TRMO: variants seen among roughly 807,000 people sequenced by gnomAD.
TRMO encodes tRNA (adenine(37)-N6)-methyltransferase.
Under a neutral mutation model 37.2 loss-of-function variants are expected in TRMO, and 30 were observed. That is an observed-to-expected ratio of 0.81 (90% CI 0.60 to 1.09). The LOEUF is 1.09. TRMO is among the 50% of genes least tolerant of loss of function. TRMO has a pLI of 0.00. For synonymous variants in TRMO, 239 were observed against 199.4 expected (o/e 1.20, Z -1.67); for missense variants, 552 against 549.5 (o/e 1.00, Z -0.05).
intron 1 of TRMO, among the ~76,000 whole-genome samples, chr9:97,919,799 A>G (rs1587843892): frequency 6.6e-6 from 1 of 152,300 alleles, no homozygotes; most frequent in East Asian, 1.9e-4. Flanking sequence ...AATTAGATTT[A>G]CTTCTATCCT....
chr9:97,909,288 A>G (rs1587832690), intron 4 of TRMO, among the ~76,000 whole-genome samples: 1 of 152,298 alleles, frequency 6.6e-6, no homozygotes, highest in East Asian at 1.9e-4. Flanking sequence ...CGCTGTATCC[A>G]CATCTTAACA....
chr9:97,910,405 A>G lies in TRMO; in HGVS notation c.621T>C (p.Asp207=), dbSNP rs1406699035. The part of the protein sequence containing the change: ...SCDQRQLSGC[D]EPQPHHSTKR... ...TAGTGCTATGGTGGGGTTGTGGCTC[A>G]TCACACCCTGAGAGCTGTCGCTGGT... The change falls in exon 4 of 5, where the codon GAT becomes GAC. Residue 207 remains aspartate, a synonymous_variant. Coordinates refer to ENST00000375119, the MANE Select transcript of TRMO (RefSeq NM_016481.5). The G allele has an allele frequency of 1.9e-6, 3 of 1,614,204 alleles. No homozygotes were observed. The highest frequency in any genetic ancestry group is 2.5e-6 in the Non-Finnish European group (3 of 1,180,030).
downstream of TRMO, among the ~76,000 whole-genome samples, chr9:97,903,856 G>C (rs1825741519): frequency 6.6e-6 from 1 of 152,186 alleles, no homozygotes; most frequent in Non-Finnish European, 1.5e-5. Flanking sequence ...CACTTTGGGA[G>C]GCTGAGGTGG....
At chr9:97,908,361 G>A (rs1332557927) in intron 4 of TRMO, among the ~76,000 whole-genome samples, 12 of 146,880 alleles carry the variant, frequency 8.2e-5, no homozygotes, top group African/African-American at 1.3e-4. Context: ...GCAGTGAGCC[G>A]AGATCGAGCC....
In TRMO at chr9:97,916,163, C is replaced by G. The variant is rs1426979131; in HGVS notation, c.251+1G>C. On this transcript the variant is annotated splice_donor_variant, in intron 2 of 4. Transcript: ENST00000375119. LOFTEE classifies it high-confidence loss of function. ...CTACATCTAACTATAAAGCAACTTA[C>G]CAAACATGAGAAAACTGTTCTAGGC... 6.3e-7 allele frequency: 1 copy of G among 1,581,752 alleles called. No individual in the cohort carries two copies. Among genetic ancestry groups the G allele is most frequent in the South Asian group, 1.2e-5 (1 of 85,600 alleles).
At chr9:97,916,769 G>C (rs1172099449) in intron 1 of TRMO, among the ~76,000 whole-genome samples, 4 of 143,286 alleles carry the variant, frequency 2.8e-5, no homozygotes, top group Admixed American at 7.4e-5. Flanking sequence ...GCAGTGGCCC[G>C]ATCTCGGCTC....
chr9:97,899,690 A>G (rs10818241), downstream of TRMO, among the ~76,000 whole-genome samples: 110,229 of 152,014 alleles, frequency 0.73, 41,357 homozygotes, highest in East Asian at 0.92. Context: ...GTTCGGTACC[A>G]GCCTGGGCAA....
the TRMO span, among the ~76,000 whole-genome samples, chr9:97,897,427 T>C: frequency 6.6e-6 from 1 of 152,198 alleles, no homozygotes; most frequent in Non-Finnish European, 1.5e-5. Context: ...TTTTGTTTTG[T>C]TTTGTTTTGT....
downstream of TRMO, among the ~76,000 whole-genome samples, chr9:97,901,000 C>T (rs1214157473): frequency 1.3e-5 from 2 of 152,146 alleles, no homozygotes; most frequent in African/African-American, 4.8e-5. Context: ...TTAATAAATG[C>T]CACTCATCTT....
At chr9:97,900,165 G>C (rs1376190136), downstream of TRMO, among the ~76,000 whole-genome samples, 3 of 152,172 alleles carry the variant, frequency 2.0e-5, no homozygotes, top group African/African-American at 7.2e-5. Context: ...AGAACAGAGT[G>C]GTAGAAAAAG....
chr9:97,898,038 T>G, the TRMO span, among the ~76,000 whole-genome samples: 1 of 152,138 alleles, frequency 6.6e-6, no homozygotes, highest in Non-Finnish European at 1.5e-5. Flanking sequence ...TTCCTACACT[T>G]TTTGTCAACA....
At chr9:97,901,068 A>C (rs994149846), downstream of TRMO, among the ~76,000 whole-genome samples, 1 of 152,320 alleles carries the variant, frequency 6.6e-6, no homozygotes, top group Admixed American at 6.5e-5. Flanking sequence ...TGTACAAGTT[A>C]CTGTTCTTTA....
intron 4 of TRMO, among the ~76,000 whole-genome samples, chr9:97,908,069 C>A (rs1265510299): frequency 6.6e-6 from 1 of 152,082 alleles, no homozygotes; most frequent in African/African-American, 2.4e-5. Flanking sequence ...CCCTGACCCC[C>A]AAGAGTTCAA....
downstream of TRMO, chr9:97,900,899 TG>T (rs1564101139): frequency 6.2e-6 from 1 of 160,980 alleles, no homozygotes; most frequent in Middle Eastern, 3.1e-3. Flanking sequence ...TGTGTGCTCA[TG>T]GGCTTAATGA....
intron 4 of TRMO, among the ~76,000 whole-genome samples, chr9:97,908,312 G>A (rs568029501): frequency 5.7e-4 from 86 of 151,798 alleles, no homozygotes; most frequent in Middle Eastern, 6.8e-3. Context: ...CTCGGGAGGC[G>A]GAGGCAGGTG....
In TRMO at chr9:97,922,423, T is replaced by A; in HGVS notation, c.71A>T (p.Glu24Val). Residue 24 changes from glutamate to valine, a missense_variant, in exon 1 of 5, where the codon GAG becomes GTG. Transcript: ENST00000375119. The part of the protein sequence containing the change: ...TPCGCVKPAL[E>V]TGNLLTEPVG... Reference sequence around the variant, plus strand: ...CCGCCGGTGTTGGAAGTTACCTGTCTCCAGAGCCGGCTTAACGCAGCCGCA... The same window carrying A: ...CCGCCGGTGTTGGAAGTTACCTGTCACCAGAGCCGGCTTAACGCAGCCGCA... 6.3e-7 allele frequency: 1 copy of A among 1,580,756 alleles called. No homozygotes were observed. Among genetic ancestry groups the A allele is most frequent in the Non-Finnish European group, 8.6e-7 (1 of 1,162,858 alleles).
chr9:97,922,291 T>C (rs1473864513), intron 1 of TRMO, 127 bp downstream of exon 1: 3 of 679,676 alleles, frequency 4.4e-6, no homozygotes, highest in Non-Finnish European at 7.6e-6. Flanking sequence ...ACCCGTGCCT[T>C]CGCCGTAGGT....
chr9:97,903,338 C>A, downstream of TRMO, among the ~76,000 whole-genome samples: 1 of 152,026 alleles, frequency 6.6e-6, no homozygotes, highest in Non-Finnish European at 1.5e-5. Context: ...ACATCAAAGG[C>A]AATTACAAAT....
chr9:97,906,157 CA>C (rs34793206), intron 4 of TRMO, among the ~76,000 whole-genome samples: 83,988 of 133,384 alleles, frequency 0.63, 25,002 homozygotes, highest in East Asian at 0.96. Flanking sequence ...GACTGTATCT[CA>C]AAAAAAAAAA....
Sources: gnomAD v4.1 joint callset for allele counts (sites outside exome capture counted in the v4.1 genomes callset) on GRCh38, gnomAD v4.1.1 for gene constraint, MANE v1.5 for transcripts, NCBI Gene and HGNC (gene_info 2026-07-23, HGNC 2026-07-21) for gene names.